The following SHTN1 variants were observed in gnomAD, a reference collection of about 807,000 sequenced individuals.
SHTN1 encodes the protein shootin 1, also known as shootin-1.
SHTN1 carries 42 observed loss-of-function variants against 83.1 expected under a neutral mutation model. That is an observed-to-expected ratio of 0.51 (90% CI 0.39 to 0.65). The LOEUF is 0.65. Among genes scored for constraint, SHTN1 ranks in the 30% least tolerant of loss-of-function variants. The probability of loss-of-function intolerance (pLI) is 0.00; values close to 1 mark genes in which losing one functional copy is unlikely to be tolerated. For missense variants in SHTN1, 622 were observed against 737.8 expected, an observed-to-expected ratio of 0.84 and a Z score of 1.82; for synonymous variants, 224 against 247.7, an observed-to-expected ratio of 0.90 and a Z score of 0.90.
At chr10:116,966,502 A>C (rs1850402467) in intron 3 of SHTN1, among the ~76,000 whole-genome samples, 1 of 152,268 alleles carries the variant, frequency 6.6e-6, no homozygotes, top group Non-Finnish European at 1.5e-5. Flanking sequence ...CTAATCTTCC[A>C]ATCAATCCTC....
chr10:116,900,984 A>T, intron 16 of SHTN1: 1 of 985,440 alleles, frequency 1.0e-6, no homozygotes, highest in Non-Finnish European at 1.2e-6. Context: ...TAAGACAGCT[A>T]GAGTTACAAA....
At chr10:117,052,278 A>G (rs1467826378) in intron 1 of SHTN1, among the ~76,000 whole-genome samples, 3 of 151,948 alleles carry the variant, frequency 2.0e-5, no homozygotes, top group African/African-American at 7.3e-5. Flanking sequence ...GAAAATTTTA[A>G]AACCTAAATA....
intron 16 of SHTN1, chr10:116,901,484 A>G: frequency 1.0e-6 from 1 of 985,124 alleles, no homozygotes; most frequent in South Asian, 4.7e-5. Flanking sequence ...CCTGACGCAG[A>G]GTCTGTATCA....
intron 9 of SHTN1, among the ~76,000 whole-genome samples, chr10:116,935,380 G>C (rs990488986): frequency 5.3e-5 from 8 of 152,212 alleles, no homozygotes; most frequent in Non-Finnish European, 1.0e-4. Flanking sequence ...ATGAAGGGGT[G>C]TTGAATTTTA....
chr10:117,087,176 G>A (rs1429997192), intron 1 of SHTN1, among the ~76,000 whole-genome samples: 1 of 63,570 alleles, frequency 1.6e-5, no homozygotes, highest in Non-Finnish European at 4.0e-5. Context: ...TTGGAGTGAC[G>A]AAGAATTTCT....
chr10:116,979,531 T>G (rs1225596659), intron 1 of SHTN1, among the ~76,000 whole-genome samples: 1 of 152,190 alleles, frequency 6.6e-6, no homozygotes, highest in East Asian at 1.9e-4. Context: ...CAAACGATCC[T>G]CCTGCCTTGG....
chr10:116,904,652 A>G (rs1847889653), intron 15 of SHTN1, among the ~76,000 whole-genome samples: 1 of 152,212 alleles, frequency 6.6e-6, no homozygotes, highest in African/African-American at 2.4e-5. Flanking sequence ...ATAATACATT[A>G]AGTGAAAAAT....
intron 13 of SHTN1, among the ~76,000 whole-genome samples, chr10:116,915,047 A>G (rs1363914744): frequency 6.6e-6 from 1 of 152,224 alleles, no homozygotes; most frequent in African/African-American, 2.4e-5. Context: ...CATAGCAGAT[A>G]ATCAGTAGAA....
At chr10:116,919,066 G>A (rs116900333) in intron 12 of SHTN1, among the ~76,000 whole-genome samples, 1 of 152,162 alleles carries the variant, frequency 6.6e-6, no homozygotes, top group Non-Finnish European at 1.5e-5. Context: ...CCAACTGTAA[G>A]TTAAAAGCCA....
intron 2 of SHTN1, chr10:116,973,784 T>G (rs747308986): frequency 6.2e-6 from 6 of 960,354 alleles, no homozygotes; most frequent in Non-Finnish European, 8.6e-6. Context: ...TGAAGTTCAT[T>G]AATGTCCAGT....
chr10:117,099,116 GTCAC>G (rs1302685282), intron 1 of SHTN1, among the ~76,000 whole-genome samples: 1 of 151,620 alleles, frequency 6.6e-6, no homozygotes, highest in Non-Finnish European at 1.5e-5. Context: ...TCTAAGTGAA[GTCAC>G]TCAGGAATGG....
chr10:117,047,912 A>AAC (rs1852689730), intron 2 of SHTN1, among the ~76,000 whole-genome samples: 1 of 151,564 alleles, frequency 6.6e-6, no homozygotes. Context: ...CCAAAAAAAA[A>AAC]AAAAAATTAT....
chr10:117,048,422 A>G lies in SHTN1; in HGVS notation c.-123+23T>C. ...ACAACCTTCCCAGCTGATTAGACAC[A>G]TCGGCACGGTCTTGTTACCTACCCC... On this transcript the variant is annotated intron_variant, in intron 2 of 17. Transcript: ENST00000392901. 3.1e-6 allele frequency: 3 copies of G among 954,976 alleles called. No individual in the cohort carries two copies. The South Asian group carries it at 1.5e-4, about 46-fold the overall frequency. The allele number at this position is 954,976 out of a possible 1,614,324, so 59.2% of individuals were successfully genotyped here.
intron 1 of SHTN1, among the ~76,000 whole-genome samples, chr10:117,054,389 T>C (rs932343181): frequency 9.2e-5 from 14 of 151,768 alleles, no homozygotes; most frequent in African/African-American, 1.7e-4. Context: ...GTGCTGACTC[T>C]GACATAGCAT....
At chr10:117,061,445 G>T (rs560855294) in intron 1 of SHTN1, among the ~76,000 whole-genome samples, 1 of 151,870 alleles carries the variant, frequency 6.6e-6, no homozygotes, top group East Asian at 1.9e-4. Flanking sequence ...CGATCCGCCC[G>T]CCTTGGCCTC....
chr10:116,901,062 G>A (rs1357534728), intron 16 of SHTN1: 26 of 985,178 alleles, frequency 2.6e-5, no homozygotes, highest in East Asian at 1.1e-4. Flanking sequence ...TACAATATTC[G>A]GCTGATCTGA....
intron 1 of SHTN1, among the ~76,000 whole-genome samples, chr10:117,064,743 C>T (rs1852950577): frequency 6.6e-6 from 1 of 152,012 alleles, no homozygotes; most frequent in Non-Finnish European, 1.5e-5. Context: ...ACCATTATTG[C>T]CCAAAGTCCC....
intron 12 of SHTN1, among the ~76,000 whole-genome samples, chr10:116,918,469 A>C (rs74159011): frequency 2.7e-5 from 4 of 150,608 alleles, no homozygotes; most frequent in African/African-American, 9.7e-5. Flanking sequence ...AAAGGTAATT[A>C]AAAAAAAAAT....
intron 1 of SHTN1, among the ~76,000 whole-genome samples, chr10:116,994,745 T>C (rs1470067379): frequency 1.3e-5 from 2 of 152,168 alleles, no homozygotes; most frequent in Non-Finnish European, 2.9e-5. Flanking sequence ...TGTGATCCTA[T>C]TTTGATTGTT....
Sources: gnomAD v4.1 joint callset for allele counts (sites outside exome capture counted in the v4.1 genomes callset) on GRCh38, gnomAD v4.1.1 for gene constraint, MANE v1.5 for transcripts, NCBI Gene and HGNC (gene_info 2026-07-23, HGNC 2026-07-21) for gene names.